PHACTR1: variants seen among roughly 807,000 people sequenced by gnomAD.
PHACTR1 encodes the protein RPEL repeat containing 1.
Under a neutral mutation model 69.2 loss-of-function variants are expected in PHACTR1, and 16 were observed. The ratio of observed to expected loss-of-function variants is 0.23; its 90% CI spans 0.16 to 0.35. The LOEUF (loss-of-function observed/expected upper bound fraction) is 0.35. PHACTR1 is among the 10% of genes least tolerant of loss of function. The pLI is 1.00. For missense variants in PHACTR1, 510 were observed against 734.7 expected (o/e 0.69, Z 3.54); for synonymous variants, 312 against 284.5 (o/e 1.10, Z -0.97).
chr6:13,074,977 A>G (rs577451654), intron 5 of PHACTR1, among the ~76,000 whole-genome samples: 1 of 152,340 alleles, frequency 6.6e-6, no homozygotes, highest in South Asian at 2.1e-4. Context: ...CTGCAAAAAC[A>G]TGAAAGAAAC....
At chr6:12,755,451 A>G (rs1411994187) in intron 4 of PHACTR1, among the ~76,000 whole-genome samples, 1 of 152,196 alleles carries the variant, frequency 6.6e-6, no homozygotes, top group Non-Finnish European at 1.5e-5. Context: ...GATACATACT[A>G]CACCTGATTT....
chr6:12,921,833 G>GGGAGGGATAGAGGGAGGGAGGGAGGGAC (rs1787750891), intron 4 of PHACTR1, among the ~76,000 whole-genome samples: 1 of 46,904 alleles, frequency 2.1e-5, no homozygotes, highest in Non-Finnish European at 3.8e-5. Context: ...AAGGAAGGAA[G>GGGAGGGATAGAGGGAGGGAGGGAGGGAC]GGAGGGAGAG....
intron 10 of PHACTR1, chr6:13,272,637 G>A: frequency 2.1e-6 from 3 of 1,400,006 alleles, no homozygotes; most frequent in Non-Finnish European, 2.8e-6. Flanking sequence ...GCTGCAGGGA[G>A]GAGGGCGGGG....
At chr6:13,187,687 G>T (rs2113755023) in intron 7 of PHACTR1, among the ~76,000 whole-genome samples, 1 of 152,266 alleles carries the variant, frequency 6.6e-6, no homozygotes, top group Admixed American at 6.5e-5. Context: ...CACCACCAAG[G>T]CTAGCTCTAG....
chr6:12,766,307 GA>G (rs1394339402), intron 4 of PHACTR1, among the ~76,000 whole-genome samples: 3 of 152,148 alleles, frequency 2.0e-5, no homozygotes. Context: ...AAATTATTAA[GA>G]TATTTAAAGA....
At position 13,193,357 on chromosome 6, in the gene PHACTR1, G is replaced by GTATATGTATATATATATATATA. The variant is rs1554152202; in HGVS notation, c.664+10676_664+10677insGTATATATATATATATATATAT. ...ATTCTACCTCTTAATAGCTCTCTGT[G>GTATATGTATATATATATATATA]TATATATATATATATATATATATAT... is the stretch of plus-strand genomic sequence containing the variant. On this transcript the variant is annotated intron_variant, in intron 7 of 14. Transcript: ENST00000332995. Among the ~76,000 whole-genome samples, 319 of 68,182 alleles carry GTATATGTATATATATATATATA rather than the reference G, an allele frequency of 4.7e-3. 16 individuals carry two copies. The highest frequency in any genetic ancestry group is 9.2e-3 in the Non-Finnish European group (271 of 29,340). The allele number at this position is 68,182 out of a possible 152,430, so 44.7% of individuals were successfully genotyped here. A position where few individuals can be genotyped will look rare whatever the true frequency, so the allele number is the denominator to read the frequency against.
chr6:13,222,694 C>G (rs1768872292), intron 8 of PHACTR1, among the ~76,000 whole-genome samples: 1 of 152,194 alleles, frequency 6.6e-6, no homozygotes, highest in African/African-American at 2.4e-5. Context: ...TTTTTGTCCC[C>G]CTGTCCCCCA....
chr6:13,183,966 C>T lies in PHACTR1; in HGVS notation c.664+1280C>T, dbSNP rs142110322. Among the ~76,000 whole-genome samples the T allele has an allele frequency of 1.4e-4, 21 of 152,160 alleles. No individual in the cohort carries two copies. In the South Asian group the frequency reaches 1.7e-3, roughly 12 times the overall value. Reference sequence around the variant, plus strand: ...CCCCCATGAAAGAAAGGAAGAGGCGCGTCCAATGCAGTGCAAAGAGAAATG... The same window carrying T: ...CCCCCATGAAAGAAAGGAAGAGGCGTGTCCAATGCAGTGCAAAGAGAAATG... On this transcript the variant is annotated intron_variant, in intron 7 of 14. Coordinates refer to ENST00000332995, the MANE Select transcript of PHACTR1 (RefSeq NM_030948.6).
At chr6:12,849,531 G>C (rs1048890932) in intron 4 of PHACTR1, among the ~76,000 whole-genome samples, 3 of 152,192 alleles carry the variant, frequency 2.0e-5, no homozygotes, top group Non-Finnish European at 2.9e-5. Flanking sequence ...TGGACAGGCT[G>C]AGCATGTAGG....
At chr6:13,140,422 C>T (rs1223526) in intron 5 of PHACTR1, among the ~76,000 whole-genome samples, 150,222 of 152,304 alleles carry the variant, frequency 0.99, 74,114 homozygotes, top group Middle Eastern at 1. Context: ...TAAAAAGTGG[C>T]CTATATATAC....
intron 5 of PHACTR1, among the ~76,000 whole-genome samples, chr6:13,112,824 G>C (rs530846637): frequency 6.6e-6 from 1 of 152,076 alleles, no homozygotes; most frequent in Non-Finnish European, 1.5e-5. Context: ...TCTGTAGGTT[G>C]TCTGTTCACT....
At chr6:12,941,965 T>C (rs1790104933) in intron 4 of PHACTR1, among the ~76,000 whole-genome samples, 1 of 152,064 alleles carries the variant, frequency 6.6e-6, no homozygotes, top group Non-Finnish European at 1.5e-5. Flanking sequence ...TTGGAGAAGC[T>C]CCTCCCCAAG....
chr6:12,925,748 G>A (rs1188399069), intron 4 of PHACTR1, among the ~76,000 whole-genome samples: 1 of 152,158 alleles, frequency 6.6e-6, no homozygotes, highest in Non-Finnish European at 1.5e-5. Flanking sequence ...CAACTCCAAA[G>A]GTGAGTAACA....
intron 7 of PHACTR1, among the ~76,000 whole-genome samples, chr6:13,193,527 T>C (rs1295758808): frequency 2.0e-5 from 3 of 150,570 alleles, no homozygotes; most frequent in African/African-American, 7.3e-5. Context: ...GCTGGGACTA[T>C]AGGCATGCGC....
chr6:12,949,894 TC>T (rs1236084413), intron 4 of PHACTR1, among the ~76,000 whole-genome samples: 1 of 152,148 alleles, frequency 6.6e-6, no homozygotes, highest in Non-Finnish European at 1.5e-5. Context: ...GAGTTTCTCA[TC>T]CCCACGGCTG....
At chr6:13,044,801 G>C (rs1804764504) in intron 4 of PHACTR1, among the ~76,000 whole-genome samples, 1 of 152,168 alleles carries the variant, frequency 6.6e-6, no homozygotes, top group South Asian at 2.1e-4. Context: ...CCTATTCCAG[G>C]CCTGACTGAC....
intron 5 of PHACTR1, among the ~76,000 whole-genome samples, chr6:13,131,204 C>CACAA (rs1820389325): frequency 4.6e-5 from 1 of 21,672 alleles, no homozygotes; most frequent in Non-Finnish European, 1.2e-4. Flanking sequence ...TATATATATA[C>CACAA]ACATACACAC....
At chr6:12,957,593 C>A (rs4236093) in intron 4 of PHACTR1, 4 of 985,336 alleles carry the variant, frequency 4.1e-6, no homozygotes, top group Non-Finnish European at 4.8e-6. Context: ...ACTTTAGAGA[C>A]GTCTGAGTAC....
intron 4 of PHACTR1, among the ~76,000 whole-genome samples, chr6:12,890,831 C>T (rs1582318487): frequency 6.6e-6 from 1 of 152,108 alleles, no homozygotes; most frequent in African/African-American, 2.4e-5. Flanking sequence ...TCTATATTAC[C>T]TTTTAACCTT....
Sources: allele counts gnomAD v4.1 joint callset (sites outside exome capture counted in the v4.1 genomes callset), GRCh38; gene constraint gnomAD v4.1.1; transcripts MANE v1.5; gene names NCBI Gene and HGNC (gene_info 2026-07-23, HGNC 2026-07-21).